Variants in CLEC16A observed in about 807,000 individuals in gnomAD.
CLEC16A encodes C-type lectin domain containing 16A.
A neutral mutation model predicts 109.5 loss-of-function variants in CLEC16A; 51 were observed. The ratio of observed to expected loss-of-function variants is 0.47; its 90% CI spans 0.37 to 0.59. The LOEUF is 0.59. Among genes scored for constraint, CLEC16A ranks in the 20% least tolerant of loss-of-function variants. CLEC16A has a pLI of 0.00. For synonymous variants in CLEC16A, 673 were observed against 564.2 expected (o/e 1.19, Z -2.73); for missense variants, 1,339 against 1,394.0 (o/e 0.96, Z 0.63).
At chr16:10,960,010 C>A (rs972874708) in intron 2 of CLEC16A, among the ~76,000 whole-genome samples, 2 of 152,132 alleles carry the variant, frequency 1.3e-5, no homozygotes, top group African/African-American at 4.8e-5. Flanking sequence ...GATTCTTAAA[C>A]AGTTATCCAA....
chr16:11,055,633 G>C (rs1343185885), intron 18 of CLEC16A, among the ~76,000 whole-genome samples: 1 of 114,830 alleles, frequency 8.7e-6, no homozygotes, highest in East Asian at 2.9e-4. Flanking sequence ...TGTCACCCAT[G>C]CTGGAGTGCA....
In CLEC16A at chr16:11,119,736, C is replaced by G. The variant is rs578183764; in HGVS notation, c.2117-879C>G. 2.6e-5 allele frequency among the ~76,000 whole-genome samples: 4 copies of G among 152,126 alleles called. 1 individual carries two copies. The South Asian group carries it at 8.3e-4, about 32-fold the overall frequency. On this transcript the variant is annotated intron_variant, in intron 19 of 23. Transcript: ENST00000409790. ...CAGGTGTGCTCTGGCTCTTTGGGCT[C>G]TTTTTTGGTGCCATATGAATTTTAG...
At chr16:11,103,175 A>T (rs1326796250) in intron 19 of CLEC16A, among the ~76,000 whole-genome samples, 1 of 152,262 alleles carries the variant, frequency 6.6e-6, no homozygotes, top group Non-Finnish European at 1.5e-5. Context: ...CACAAGGGTC[A>T]GATCCAAGAA....
intron 17 of CLEC16A, among the ~76,000 whole-genome samples, chr16:11,050,939 C>T (rs899579096): frequency 6.6e-6 from 1 of 152,356 alleles, no homozygotes; most frequent in Admixed American, 6.5e-5. Context: ...GGCCTGGGCT[C>T]ATGTCTTGGC....
Position 11,018,768 on chromosome 16 carries a change from G to A in CLEC16A, c.1304-1425G>A, listed in dbSNP as rs183730018. 2.2e-3 allele frequency among the ~76,000 whole-genome samples: 254 copies of A among 112,920 alleles called. 1 individual carries two copies. The highest frequency in any genetic ancestry group is 0.015 in the Middle Eastern group (3 of 194). 74.1% of individuals were successfully genotyped at this position (112,920 alleles called of 152,430 possible). ...CATCTCAAAAAAAAAAAAAAAAATG[G>A]AGACAAGCTTGGGATGTTCAAGAGA... On this transcript the variant is annotated intron_variant, in intron 11 of 23. Transcript: ENST00000409790.
intron 19 of CLEC16A, among the ~76,000 whole-genome samples, chr16:11,085,333 G>A (rs2049952803): frequency 6.6e-6 from 1 of 152,276 alleles, no homozygotes; most frequent in South Asian, 2.1e-4. Flanking sequence ...AACAGATGGC[G>A]GGATGGGTTA....
At chr16:10,992,555 GATAAC>G (rs1416356064) in intron 10 of CLEC16A, among the ~76,000 whole-genome samples, 2 of 86,188 alleles carry the variant, frequency 2.3e-5, no homozygotes, top group African/African-American at 5.5e-5. Flanking sequence ...AAAAGAAAAA[GATAAC>G]ATTAAATGGT....
chr16:11,030,440 C>A (rs1156708594), intron 13 of CLEC16A, among the ~76,000 whole-genome samples: 2 of 152,098 alleles, frequency 1.3e-5, no homozygotes, highest in African/African-American at 4.8e-5. Context: ...TTGGTGTGGC[C>A]ACCTTTTTAG....
intron 17 of CLEC16A, among the ~76,000 whole-genome samples, chr16:11,049,825 G>C (rs548915848): frequency 4.5e-4 from 68 of 152,234 alleles, no homozygotes; most frequent in Non-Finnish European, 8.1e-4. Flanking sequence ...TAGAGGGGAA[G>C]GGAGCTGCAA....
intron 2 of CLEC16A, among the ~76,000 whole-genome samples, chr16:10,962,006 G>A (rs934486180): frequency 2.1e-5 from 3 of 144,040 alleles, no homozygotes; most frequent in Non-Finnish European, 4.5e-5. Flanking sequence ...AGGCTGGAGT[G>A]CAGTGGCCTG....
intron 17 of CLEC16A, 191 bp downstream of exon 17, chr16:11,047,533 C>A: frequency 2.3e-6 from 1 of 429,630 alleles, no homozygotes; most frequent in Middle Eastern, 5.9e-4. Flanking sequence ...ATATTCTCTC[C>A]CTCTAACATG....
chr16:10,992,680 C>G (rs991463888), intron 10 of CLEC16A, among the ~76,000 whole-genome samples: 17 of 152,104 alleles, frequency 1.1e-4, no homozygotes, highest in African/African-American at 3.4e-4. Context: ...GGCTGCCATA[C>G]TTACCCTTGT....
chr16:10,993,295 C>A (rs539119260), intron 10 of CLEC16A, among the ~76,000 whole-genome samples: 2 of 152,138 alleles, frequency 1.3e-5, no homozygotes, highest in African/African-American at 2.4e-5. Context: ...GGGACCATCT[C>A]TTGAGCCTGG....
In CLEC16A at chr16:10,985,088, A is replaced by T. The variant is rs1012728454; in HGVS notation, c.1071+2097A>T. ...CATGGTGGCAGGCGCCTGCAGTCTC[A>T]GCTACTCGGGAGGCTGAGGCAGGAG... On this transcript the variant is annotated intron_variant, in intron 10 of 23. Transcript: ENST00000409790. Among the ~76,000 whole-genome samples the T allele has an allele frequency of 4.0e-5, 6 of 151,612 alleles. No individual in the cohort carries two copies. The South Asian group carries it at 1.3e-3, about 32-fold the overall frequency.
chr16:10,982,617 G>C (rs530451863), intron 9 of CLEC16A, among the ~76,000 whole-genome samples: 2 of 152,338 alleles, frequency 1.3e-5, no homozygotes, highest in East Asian at 3.9e-4. Flanking sequence ...ACCCAGCCAT[G>C]AGGGACAGTC....
intron 19 of CLEC16A, among the ~76,000 whole-genome samples, chr16:11,098,849 G>A (rs964293016): frequency 6.6e-6 from 1 of 152,190 alleles, no homozygotes; most frequent in Non-Finnish European, 1.5e-5. Context: ...CCTATGTGGG[G>A]GCCAGGACAG....
chr16:11,027,194 T>C, intron 13 of CLEC16A: 1 of 1,396,440 alleles, frequency 7.2e-7, no homozygotes, highest in Non-Finnish European at 1.0e-6. Context: ...CATTCCTACA[T>C]GATTACTGGC....
chr16:10,957,406 G>C (rs1357760075), intron 1 of CLEC16A, among the ~76,000 whole-genome samples: 6 of 152,266 alleles, frequency 3.9e-5, no homozygotes, highest in Non-Finnish European at 8.8e-5. Flanking sequence ...ATGATGGGAA[G>C]CATATGAAAC....
rs903288332 is a variant in CLEC16A, at chr16:11,181,803, G to C, written c.*3113G>C. 1.3e-5 allele frequency: 2 copies of C among 152,650 alleles called. No individual in the cohort carries two copies. Among genetic ancestry groups the C allele is most frequent in the Non-Finnish European group, 2.9e-5 (2 of 68,044 alleles). 9.5% of individuals were successfully genotyped at this position (152,650 alleles called of 1,614,324 possible). On this transcript the variant is annotated 3_prime_UTR_variant, in exon 24 of 24. Coordinates refer to ENST00000409790, the MANE Select transcript of CLEC16A (RefSeq NM_015226.3). ...CCTAAGGGGCAGGTGAAGAAGCGCA[G>C]CCCTGCCAGACGCGCTAGATTCCTC...
Sources: allele counts gnomAD v4.1 joint callset (sites outside exome capture counted in the v4.1 genomes callset), GRCh38; gene constraint gnomAD v4.1.1; transcripts MANE v1.5; gene names NCBI Gene and HGNC (gene_info 2026-07-23, HGNC 2026-07-21).